The following DCC variants were observed in gnomAD, a reference collection of about 807,000 sequenced individuals.
The protein encoded by DCC is netrin receptor DCC.
DCC carries 58 observed loss-of-function variants against 172.5 expected under a neutral mutation model. That is an observed-to-expected ratio of 0.34 (90% CI 0.27 to 0.42). The LOEUF is 0.42. Among genes scored for constraint, DCC ranks in the 10% least tolerant of loss-of-function variants. The pLI, the probability that DCC is intolerant of heterozygous loss-of-function variation, is 1.00. For missense variants in DCC, 1,740 were observed against 1,791.0 expected (o/e 0.97, Z 0.51); for synonymous variants, 709 against 644.5 (o/e 1.10, Z -1.52).
At chr18:52,878,664 T>C (rs1170209000) in intron 2 of DCC, among the ~76,000 whole-genome samples, 1 of 152,224 alleles carries the variant, frequency 6.6e-6, no homozygotes, top group Non-Finnish European at 1.5e-5. Flanking sequence ...TATTTTTACT[T>C]ATTTGTTTAT....
At chr18:52,521,708 C>T (rs1034952625) in intron 1 of DCC, among the ~76,000 whole-genome samples, 44 of 151,990 alleles carry the variant, frequency 2.9e-4, no homozygotes, top group African/African-American at 1.0e-3. Flanking sequence ...AGGAAGTTAT[C>T]GTAATTTTAA....
intron 12 of DCC, among the ~76,000 whole-genome samples, chr18:53,246,940 A>G (rs2056371946): frequency 1.3e-5 from 2 of 152,108 alleles, no homozygotes; most frequent in South Asian, 2.1e-4. Flanking sequence ...AGTATAGCCT[A>G]TAAATGATGG....
intron 15 of DCC, among the ~76,000 whole-genome samples, chr18:53,352,519 C>A (rs2057823666): frequency 6.6e-6 from 1 of 152,080 alleles, no homozygotes; most frequent in Admixed American, 6.6e-5. Context: ...TGCATCCACT[C>A]CAGACTATAC....
chr18:53,005,878 T>C (rs2041637084), intron 5 of DCC, among the ~76,000 whole-genome samples: 1 of 152,222 alleles, frequency 6.6e-6, no homozygotes, highest in African/African-American at 2.4e-5. Flanking sequence ...TTCTCTCTGG[T>C]CTTCCCTCAT....
intron 7 of DCC, among the ~76,000 whole-genome samples, chr18:53,094,863 A>C (rs949812162): frequency 2.6e-5 from 4 of 152,200 alleles, no homozygotes; most frequent in Middle Eastern, 6.8e-3. Flanking sequence ...GAGGCCACCT[A>C]ATATTTGGAT....
chr18:53,127,050 T>A (rs2043568339), intron 7 of DCC, among the ~76,000 whole-genome samples: 1 of 151,898 alleles, frequency 6.6e-6, no homozygotes, highest in South Asian at 2.1e-4. Context: ...GAACACATAT[T>A]AGAGATCAGT....
chr18:53,358,992 T>A (rs998254959), intron 15 of DCC, among the ~76,000 whole-genome samples: 3 of 152,176 alleles, frequency 2.0e-5, no homozygotes, highest in African/African-American at 7.2e-5. Flanking sequence ...TTCCTAGAAA[T>A]GTTGGGTGGA....
chr18:52,541,370 C>A (rs1303016328), intron 1 of DCC, among the ~76,000 whole-genome samples: 1 of 152,132 alleles, frequency 6.6e-6, no homozygotes, highest in East Asian at 1.9e-4. Flanking sequence ...GTTGATGATT[C>A]TCTTTAGTGC....
intron 2 of DCC, among the ~76,000 whole-genome samples, chr18:52,898,562 A>G (rs1271860231): frequency 6.6e-6 from 1 of 152,166 alleles, no homozygotes; most frequent in African/African-American, 2.4e-5. Flanking sequence ...CTTGTCGTCT[A>G]TGCAGTGTGT....
chr18:53,058,635 A>G (rs2042450101), intron 5 of DCC, among the ~76,000 whole-genome samples: 1 of 152,140 alleles, frequency 6.6e-6, no homozygotes, highest in African/African-American at 2.4e-5. Context: ...AAAAAGGGAA[A>G]ATTGGGTAAA....
intron 1 of DCC, among the ~76,000 whole-genome samples, chr18:52,542,620 G>A (rs1328994344): frequency 6.6e-6 from 1 of 152,134 alleles, no homozygotes; most frequent in South Asian, 2.1e-4. Context: ...CAGATCACTT[G>A]AGGTCAGGAG....
At chr18:53,377,098 T>C (rs1340547020) in intron 15 of DCC, among the ~76,000 whole-genome samples, 1 of 151,876 alleles carries the variant, frequency 6.6e-6, no homozygotes, top group Admixed American at 6.5e-5. Context: ...TCACATCTCT[T>C]ATTCTATAAA....
intron 1 of DCC, among the ~76,000 whole-genome samples, chr18:52,480,397 G>A (rs184011284): frequency 1.1e-3 from 162 of 151,542 alleles, no homozygotes; most frequent in African/African-American, 3.8e-3. Flanking sequence ...TAGAACATAC[G>A]TTTTCTTCAA....
At chr18:52,932,774 T>C (rs182632522) in intron 5 of DCC, among the ~76,000 whole-genome samples, 1 of 152,100 alleles carries the variant, frequency 6.6e-6, no homozygotes, top group Non-Finnish European at 1.5e-5. Flanking sequence ...CACACGTATA[T>C]TTTTGTATAT....
chr18:53,481,042 C>T (rs2045825669), intron 25 of DCC: 1 of 152,228 alleles, frequency 6.6e-6, no homozygotes, highest in African/African-American at 2.4e-5. Context: ...TTCCCCAAGA[C>T]ATGACACCTG....
At chr18:52,720,248 A>T (rs1415163437) in intron 1 of DCC, among the ~76,000 whole-genome samples, 1 of 152,212 alleles carries the variant, frequency 6.6e-6, no homozygotes, top group Non-Finnish European at 1.5e-5. Flanking sequence ...TTGACTTTCA[A>T]AATGATGAAA....
At chr18:53,020,268 G>A (rs2041861722) in intron 5 of DCC, among the ~76,000 whole-genome samples, 1 of 152,114 alleles carries the variant, frequency 6.6e-6, no homozygotes, top group Non-Finnish European at 1.5e-5. Context: ...TTTGGCCATA[G>A]ATCATCTTGT....
chr18:52,618,693 A>G (rs1018391942), intron 1 of DCC, among the ~76,000 whole-genome samples: 4 of 152,184 alleles, frequency 2.6e-5, no homozygotes, highest in Non-Finnish European at 4.4e-5. Flanking sequence ...CTCAAAAATG[A>G]CACAATTCTT....
At chr18:53,081,996 A>G (rs1268179143) in intron 7 of DCC, among the ~76,000 whole-genome samples, 1 of 152,112 alleles carries the variant, frequency 6.6e-6, no homozygotes, top group Admixed American at 6.6e-5. Flanking sequence ...GGGGGAGGCC[A>G]GCGATCAAGA....
Sources: gnomAD v4.1 joint callset for allele counts (sites outside exome capture counted in the v4.1 genomes callset) on GRCh38, gnomAD v4.1.1 for gene constraint, MANE v1.5 for transcripts, NCBI Gene and HGNC (gene_info 2026-07-23, HGNC 2026-07-21) for gene names.